The following BCKDHB variants were observed in gnomAD, a reference collection of about 807,000 sequenced individuals.
BCKDHB encodes branched chain keto acid dehydrogenase E1 subunit beta.
In BCKDHB, 41 loss-of-function variants were observed where a neutral mutation model predicts 48.5. The ratio of observed to expected loss-of-function variants is 0.85; its 90% confidence interval spans 0.66 to 1.10. The LOEUF (loss-of-function observed/expected upper bound fraction) is 1.10, where lower values mean the gene tolerates loss of function less well. Among genes scored for constraint, BCKDHB ranks in the 50% least tolerant of loss-of-function variants. BCKDHB has a pLI of 0.00. For synonymous variants in BCKDHB, 201 were observed against 174.8 expected (o/e 1.15, Z -1.18); for missense variants, 496 against 494.2 (o/e 1.00, Z -0.03).
At chr6:80,260,456 C>G (rs1777251776) in intron 8 of BCKDHB, among the ~76,000 whole-genome samples, 1 of 152,076 alleles carries the variant, frequency 6.6e-6, no homozygotes, top group Non-Finnish European at 1.5e-5. Context: ...CTGGAGGGCT[C>G]CTGGTAAGGG....
intron 9 of BCKDHB, among the ~76,000 whole-genome samples, chr6:80,296,307 A>G (rs1380107509): frequency 4.6e-5 from 7 of 152,168 alleles, no homozygotes; most frequent in Non-Finnish European, 1.0e-4. Flanking sequence ...TTAGGAAAAA[A>G]CCACAGTCAA....
At chr6:80,254,299 A>G (rs1325415010) in intron 8 of BCKDHB, among the ~76,000 whole-genome samples, 1 of 151,684 alleles carries the variant, frequency 6.6e-6, no homozygotes, top group African/African-American at 2.4e-5. Context: ...TTTTAATAAG[A>G]TTGTTTTTGA....
At chr6:80,417,365 G>T in the BCKDHB span, among the ~76,000 whole-genome samples, 1 of 152,104 alleles carries the variant, frequency 6.6e-6, no homozygotes, top group Non-Finnish European at 1.5e-5. Flanking sequence ...AGTATGATAT[G>T]TGTGGATTTG....
intron 9 of BCKDHB, among the ~76,000 whole-genome samples, chr6:80,331,957 G>T (rs1433601931): frequency 6.6e-6 from 1 of 151,972 alleles, no homozygotes; most frequent in African/African-American, 2.4e-5. Flanking sequence ...TGCTCATTTG[G>T]GGGGGACTAG....
At chr6:80,462,158 C>T in the BCKDHB span, among the ~76,000 whole-genome samples, 1 of 152,022 alleles carries the variant, frequency 6.6e-6, no homozygotes, top group African/African-American at 2.4e-5. Context: ...AATTCTAGGC[C>T]TAAGTTAGGA....
At chr6:80,295,109 A>G (rs1767154552) in intron 9 of BCKDHB, among the ~76,000 whole-genome samples, 1 of 152,124 alleles carries the variant, frequency 6.6e-6, no homozygotes, top group Non-Finnish European at 1.5e-5. Context: ...TCCTCTCTTT[A>G]TACTGTCTCT....
the BCKDHB span, among the ~76,000 whole-genome samples, chr6:80,410,830 G>C: frequency 6.6e-6 from 1 of 152,106 alleles, no homozygotes; most frequent in Non-Finnish European, 1.5e-5. Context: ...GTTTATTCTA[G>C]TTAGCCATTC....
At chr6:80,329,092 T>C (rs764731493) in intron 9 of BCKDHB, among the ~76,000 whole-genome samples, 1 of 152,126 alleles carries the variant, frequency 6.6e-6, no homozygotes, top group East Asian at 1.9e-4. Flanking sequence ...GTAATAAATA[T>C]ATTAGATTAC....
At chr6:80,350,850 T>G (rs550419944), downstream of BCKDHB, among the ~76,000 whole-genome samples, 78 of 152,328 alleles carry the variant, frequency 5.1e-4, no homozygotes, top group African/African-American at 1.7e-3. Context: ...TATTTTTGCC[T>G]TCCATCCTCA....
chr6:80,118,826 C>G (rs1016464708), intron 1 of BCKDHB, among the ~76,000 whole-genome samples: 2 of 152,222 alleles, frequency 1.3e-5, no homozygotes, highest in Admixed American at 6.5e-5. Context: ...CAAGGCTCCA[C>G]TTTCTTTGAG....
intron 6 of BCKDHB, among the ~76,000 whole-genome samples, chr6:80,184,605 T>TAAA (rs745866707): frequency 1.3e-5 from 2 of 152,196 alleles, no homozygotes; most frequent in East Asian, 3.9e-4. Flanking sequence ...GAACTCCTTT[T>TAAA]AGAAGTTCTT....
chr6:80,186,881 T>A (rs756004335), intron 6 of BCKDHB, among the ~76,000 whole-genome samples: 1 of 152,216 alleles, frequency 6.6e-6, no homozygotes, highest in Non-Finnish European at 1.5e-5. Flanking sequence ...GTGATCTGGA[T>A]TTTTAGGTTC....
At chr6:80,431,277 T>C in the BCKDHB span, among the ~76,000 whole-genome samples, 1 of 152,230 alleles carries the variant, frequency 6.6e-6, no homozygotes, top group East Asian at 1.9e-4. Flanking sequence ...AATGAGTTGC[T>C]GAGAAGAATG....
the BCKDHB span, among the ~76,000 whole-genome samples, chr6:80,413,230 A>C: frequency 6.6e-6 from 1 of 152,110 alleles, no homozygotes; most frequent in African/African-American, 2.4e-5. Context: ...TCAATCTCTC[A>C]CAAACATATT....
the BCKDHB span, among the ~76,000 whole-genome samples, chr6:80,408,803 C>T: frequency 0.033 from 4,593 of 140,254 alleles, 164 homozygotes; most frequent in African/African-American, 0.096. Context: ...TTTTTTTTTT[C>T]AAAAAAAAAA....
the BCKDHB span, chr6:80,454,020 A>T: frequency 6.6e-6 from 1 of 152,162 alleles, no homozygotes; most frequent in Non-Finnish European, 1.5e-5. Context: ...CTGTGACATG[A>T]GCATTTGGGC....
rs183052056 is a variant in BCKDHB, at chr6:80,117,245, C to A, written c.197-10302C>A. On this transcript the variant is annotated intron_variant, in intron 1 of 9. Coordinates refer to ENST00000320393, the MANE Select transcript of BCKDHB (RefSeq NM_183050.4). Reference sequence around the variant, plus strand: ...ACATGGAAATAATTACCTTTAAATACCCTTACTGGTAAATTATTTTATACA... The same window carrying A: ...ACATGGAAATAATTACCTTTAAATAACCTTACTGGTAAATTATTTTATACA... 8.5e-5 allele frequency among the ~76,000 whole-genome samples: 13 copies of A among 152,244 alleles called. No individual in the cohort carries two copies. The East Asian group carries it at 2.3e-3, about 27-fold the overall frequency.
Position 80,146,229 on chromosome 6 carries a change from G to A in BCKDHB, c.343+17000G>A, listed in dbSNP as rs576217379. Reference sequence around the variant, plus strand: ...GAAGGTACTAAAATTTTAAAGATGTGGTCCCTGCCTTTAAGGAAATCATAG... The same window carrying A: ...GAAGGTACTAAAATTTTAAAGATGTAGTCCCTGCCTTTAAGGAAATCATAG... On this transcript the variant is annotated intron_variant, in intron 3 of 9. Transcript: ENST00000320393. 7.9e-4 allele frequency among the ~76,000 whole-genome samples: 120 copies of A among 152,128 alleles called. No homozygotes were observed. The Middle Eastern group carries it at 0.01, about 13-fold the overall frequency.
chr6:80,454,064 T>C, the BCKDHB span: 1 of 152,212 alleles, frequency 6.6e-6, no homozygotes, highest in Admixed American at 6.5e-5. Flanking sequence ...TAAAGGAATA[T>C]GCTCATACAC....
Sources: allele counts gnomAD v4.1 joint callset (sites outside exome capture counted in the v4.1 genomes callset), GRCh38; gene constraint gnomAD v4.1.1; transcripts MANE v1.5; gene names NCBI Gene and HGNC (gene_info 2026-07-23, HGNC 2026-07-21).